Variants in DPP10 observed in about 807,000 individuals in gnomAD.
DPP10 encodes inactive dipeptidyl peptidase 10.
DPP10 carries 33 observed loss-of-function variants against 120.9 expected under a neutral mutation model. That is an observed-to-expected ratio of 0.27 (90% CI 0.21 to 0.37). The LOEUF is 0.37. Among genes scored for constraint, DPP10 ranks in the 10% least tolerant of loss-of-function variants. DPP10 has a pLI of 1.00. For synonymous variants in DPP10, 337 were observed against 326.1 expected (o/e 1.03, Z -0.36); for missense variants, 816 against 942.8 (o/e 0.87, Z 1.76).
intron 1 of DPP10, among the ~76,000 whole-genome samples, chr2:115,215,854 A>G (rs1417560061): frequency 6.6e-6 from 1 of 152,198 alleles, no homozygotes; most frequent in Non-Finnish European, 1.5e-5. Flanking sequence ...ACCTCCATTC[A>G]TATGTGTATT....
At chr2:114,731,957 A>G (rs1208225118) in intron 1 of DPP10, among the ~76,000 whole-genome samples, 3 of 152,070 alleles carry the variant, frequency 2.0e-5, no homozygotes, top group Non-Finnish European at 4.4e-5. Flanking sequence ...ATTGTTATCT[A>G]TTTTTCCCAT....
intron 7 of DPP10, among the ~76,000 whole-genome samples, chr2:115,716,632 C>T (rs1204237854): frequency 2.6e-5 from 4 of 151,992 alleles, no homozygotes; most frequent in South Asian, 2.1e-4. Flanking sequence ...GAACCAAGTT[C>T]GCTTTTCTAT....
intron 3 of DPP10, among the ~76,000 whole-genome samples, chr2:115,440,716 A>G (rs1329127866): frequency 2.6e-5 from 4 of 152,270 alleles, no homozygotes; most frequent in African/African-American, 7.2e-5. Context: ...TTACAGAGAG[A>G]TAAACAATTT....
chr2:115,677,876 C>G (rs1433498354), intron 5 of DPP10, among the ~76,000 whole-genome samples: 1 of 152,114 alleles, frequency 6.6e-6, no homozygotes, highest in Non-Finnish European at 1.5e-5. Context: ...GACAGAGAGT[C>G]AAGAAACATA....
intron 3 of DPP10, among the ~76,000 whole-genome samples, chr2:115,403,471 C>T (rs1361827943): frequency 7.4e-6 from 1 of 134,824 alleles, no homozygotes. Flanking sequence ...ATAATCTCAG[C>T]TTACTGCAAC....
chr2:114,907,765 G>T (rs1016641082), intron 1 of DPP10, among the ~76,000 whole-genome samples: 2 of 152,028 alleles, frequency 1.3e-5, no homozygotes, highest in Admixed American at 1.3e-4. Flanking sequence ...AGTGCATTTT[G>T]CTTTAATGGC....
At chr2:114,792,249 A>C (rs967135057) in intron 1 of DPP10, among the ~76,000 whole-genome samples, 2 of 152,184 alleles carry the variant, frequency 1.3e-5, no homozygotes, top group African/African-American at 4.8e-5. Context: ...GAACTTGATG[A>C]ATATTAGCAA....
rs1316467264 is a variant in DPP10 at position 115,376,675 on chromosome 2, A to G, written c.271+32763A>G. Among the ~76,000 whole-genome samples, 5 of 149,506 alleles carry G rather than the reference A, an allele frequency of 3.3e-5. No homozygotes were observed. The East Asian group carries it at 1.0e-3, about 30-fold the overall frequency. On this transcript the variant is annotated intron_variant, in intron 3 of 25. Coordinates refer to ENST00000410059, the MANE Select transcript of DPP10 (RefSeq NM_020868.6). ...ACTAACTCGTCATCTAGCATTAGGT[A>G]TATCTCCCAATGCTATCCATCCCCC...
chr2:115,383,106 A>G (rs893164808), intron 3 of DPP10, among the ~76,000 whole-genome samples: 3 of 152,246 alleles, frequency 2.0e-5, no homozygotes, highest in African/African-American at 7.2e-5. Flanking sequence ...CAATGGGTAA[A>G]TAGCCTGAGT....
intron 1 of DPP10, among the ~76,000 whole-genome samples, chr2:115,083,781 A>T (rs1193109601): frequency 6.6e-6 from 1 of 152,236 alleles, no homozygotes; most frequent in Non-Finnish European, 1.5e-5. Flanking sequence ...GATTTCTGCA[A>T]GATTTTCATG....
chr2:114,762,475 G>C (rs1052429952), intron 1 of DPP10, among the ~76,000 whole-genome samples: 7 of 152,176 alleles, frequency 4.6e-5, no homozygotes, highest in Non-Finnish European at 1.0e-4. Flanking sequence ...AAAGAACTCA[G>C]CTGGAAATAT....
intron 1 of DPP10, among the ~76,000 whole-genome samples, chr2:114,788,770 G>A (rs1031967051): frequency 1.9e-4 from 29 of 152,060 alleles, no homozygotes; most frequent in Middle Eastern, 3.4e-3. Context: ...GTTTACTTTC[G>A]TGTGCATTTC....
chr2:115,772,804 AC>A (rs1253019126), intron 13 of DPP10, among the ~76,000 whole-genome samples: 1 of 152,132 alleles, frequency 6.6e-6, no homozygotes, highest in African/African-American at 2.4e-5. Context: ...AAGGTATAGC[AC>A]CTTTTTCTCT....
intron 1 of DPP10, among the ~76,000 whole-genome samples, chr2:114,476,891 A>C (rs1573438966): frequency 6.6e-6 from 1 of 152,156 alleles, no homozygotes; most frequent in East Asian, 1.9e-4. Flanking sequence ...TTCAGGAACT[A>C]ATTCTTAAAA....
chr2:115,813,820 G>A (rs1686930199), intron 19 of DPP10, among the ~76,000 whole-genome samples: 1 of 152,130 alleles, frequency 6.6e-6, no homozygotes, highest in South Asian at 2.1e-4. Flanking sequence ...AGAGGAAGGC[G>A]GGAGAGTTTG....
intron 1 of DPP10, among the ~76,000 whole-genome samples, chr2:115,011,795 A>C (rs898256964): frequency 1.3e-5 from 2 of 152,074 alleles, no homozygotes; most frequent in African/African-American, 4.8e-5. Context: ...CACCCTTTGA[A>C]AGAATTGGAT....
intron 1 of DPP10, among the ~76,000 whole-genome samples, chr2:114,568,530 C>A (rs1005120956): frequency 2.6e-5 from 4 of 152,146 alleles, no homozygotes; most frequent in Non-Finnish European, 5.9e-5. Flanking sequence ...CACGATTTCT[C>A]AATCCTGTCA....
intron 1 of DPP10, among the ~76,000 whole-genome samples, chr2:114,628,508 G>A (rs763540808): frequency 3.5e-4 from 53 of 152,078 alleles, no homozygotes; most frequent in Admixed American, 2.4e-3. Flanking sequence ...AAGACCAAGT[G>A]AGAAAGAGCA....
chr2:114,917,077 C>T (rs776034942), intron 1 of DPP10, among the ~76,000 whole-genome samples: 10 of 152,202 alleles, frequency 6.6e-5, no homozygotes, highest in Non-Finnish European at 1.5e-4. Context: ...TTTCCATAGT[C>T]TCTGCCCAAA....
Sources: gnomAD v4.1 joint callset for allele counts (sites outside exome capture counted in the v4.1 genomes callset) on GRCh38, gnomAD v4.1.1 for gene constraint, MANE v1.5 for transcripts, NCBI Gene and HGNC (gene_info 2026-07-23, HGNC 2026-07-21) for gene names.